Variants in BST1 observed in about 807,000 individuals in gnomAD.
The protein encoded by BST1 is ADP-ribosyl cyclase/cyclic ADP-ribose hydrolase 2.
A neutral mutation model predicts 40.6 loss-of-function variants in BST1; 49 were observed. That is an observed-to-expected ratio of 1.21 (90% CI 0.96 to 1.53). The LOEUF is 1.53. BST1 is among the 40% of genes most tolerant of loss of function. The pLI is 0.00. For synonymous variants in BST1, 157 were observed against 159.3 expected (o/e 0.99, Z 0.11); for missense variants, 423 against 395.9 (o/e 1.07, Z -0.58).
At chr4:15,761,126 C>T in the BST1 span, among the ~76,000 whole-genome samples, 49 of 152,062 alleles carry the variant, frequency 3.2e-4, 1 homozygote, top group African/African-American at 1.1e-3. Context: ...CTCACCTCAA[C>T]CCCCGCCTCC....
At chr4:15,768,733 T>C in the BST1 span, among the ~76,000 whole-genome samples, 2 of 151,464 alleles carry the variant, frequency 1.3e-5, no homozygotes, top group Admixed American at 1.3e-4. Context: ...CCTGACCTCA[T>C]GATCCACCCG....
chr4:15,760,643 C>A, the BST1 span, among the ~76,000 whole-genome samples: 1 of 151,060 alleles, frequency 6.6e-6, no homozygotes, highest in African/African-American at 2.4e-5. Flanking sequence ...TATAATTTTT[C>A]CTTATATATG....
chr4:15,728,712 G>A (rs960250458), intron 8 of BST1, among the ~76,000 whole-genome samples: 1 of 142,526 alleles, frequency 7.0e-6, no homozygotes, highest in African/African-American at 2.7e-5. Flanking sequence ...GCTTGATCTT[G>A]GCTCATCACT....
chr4:15,754,735 A>G, the BST1 span, among the ~76,000 whole-genome samples: 2 of 152,152 alleles, frequency 1.3e-5, no homozygotes, highest in Non-Finnish European at 2.9e-5. Flanking sequence ...GGTGATTTTT[A>G]TGTTATTTCT....
At chr4:15,763,511 A>G in the BST1 span, among the ~76,000 whole-genome samples, 16 of 152,088 alleles carry the variant, frequency 1.1e-4, no homozygotes, top group Admixed American at 3.3e-4. Flanking sequence ...CTGAAAAATT[A>G]TTTGTAGAGC....
intron 3 of BST1, 107 bp from the exon 4 acceptor site, chr4:15,711,699 AG>A (rs1485672928): frequency 1.1e-6 from 1 of 899,666 alleles, no homozygotes; most frequent in Non-Finnish European, 1.8e-6. Flanking sequence ...CACATTGTAC[AG>A]AATGGAAGCT....
downstream of BST1, among the ~76,000 whole-genome samples, chr4:15,742,660 A>C (rs551530423): frequency 1.3e-5 from 2 of 152,352 alleles, no homozygotes; most frequent in Admixed American, 1.3e-4. Flanking sequence ...CAGGGAGTTC[A>C]TTTGGGAGGT....
intron 8 of BST1, among the ~76,000 whole-genome samples, chr4:15,729,351 G>T (rs370764144): frequency 6.6e-6 from 1 of 152,114 alleles, no homozygotes; most frequent in East Asian, 1.9e-4. Flanking sequence ...AGCTACTCAG[G>T]AGTCTGAGGC....
downstream of BST1, among the ~76,000 whole-genome samples, chr4:15,734,178 T>C (rs947958644): frequency 6.6e-6 from 1 of 151,730 alleles, no homozygotes; most frequent in African/African-American, 2.4e-5. Flanking sequence ...ATTGTGGGGG[T>C]TGAGAATGAT....
At chr4:15,739,051 G>C (rs1246839138), downstream of BST1, among the ~76,000 whole-genome samples, 2 of 152,196 alleles carry the variant, frequency 1.3e-5, no homozygotes, top group Non-Finnish European at 2.9e-5. Context: ...TTGAAACCCA[G>C]AACTCAGCCT....
In BST1 at chr4:15,716,918, G is replaced by C. The variant is rs6853896; in HGVS notation, c.704+1119G>C. Among the ~76,000 whole-genome samples, 800 of 152,174 alleles carry C rather than the reference G, an allele frequency of 5.3e-3. 6 individuals are homozygous for C. Among genetic ancestry groups the C allele is most frequent in the African/African-American group, 0.018 (727 of 41,504 alleles). On this transcript the variant is annotated intron_variant, in intron 6 of 8. Coordinates refer to ENST00000265016, the MANE Select transcript of BST1 (RefSeq NM_004334.3). ...AACCTCCCGAGTAGCTGGGATTACA[G>C]GTGTCCGTTACCACGCCCAGCTGAT...
At chr4:15,751,000 C>T in the BST1 span, among the ~76,000 whole-genome samples, 1 of 152,080 alleles carries the variant, frequency 6.6e-6, no homozygotes, top group Non-Finnish European at 1.5e-5. Context: ...ATTTTCTATC[C>T]TCAAGTAGCT....
the BST1 span, among the ~76,000 whole-genome samples, chr4:15,756,833 C>T: frequency 2.0e-5 from 3 of 152,164 alleles, no homozygotes; most frequent in African/African-American, 4.8e-5. Flanking sequence ...TCAGGATGCA[C>T]CACCTCAAAA....
At chr4:15,708,135 A>G (rs1354105211) in intron 3 of BST1, among the ~76,000 whole-genome samples, 3 of 152,094 alleles carry the variant, frequency 2.0e-5, no homozygotes, top group Admixed American at 6.6e-5. Context: ...CAGAGGGGGA[A>G]GCTGAGGCTT....
intron 8 of BST1, among the ~76,000 whole-genome samples, chr4:15,724,724 GAA>G (rs1491095718): frequency 2.7e-4 from 40 of 150,264 alleles, no homozygotes; most frequent in Admixed American, 2.0e-3. Flanking sequence ...GAGAGAGAGA[GAA>G]AGAGAGCACA....
the BST1 span, among the ~76,000 whole-genome samples, chr4:15,758,686 T>A: frequency 6.6e-6 from 1 of 152,262 alleles, no homozygotes; most frequent in Non-Finnish European, 1.5e-5. Context: ...ACCTTGTTCA[T>A]CATCTCCCTA....
At chr4:15,747,790 C>T in the BST1 span, among the ~76,000 whole-genome samples, 2 of 152,178 alleles carry the variant, frequency 1.3e-5, no homozygotes, top group African/African-American at 4.8e-5. Context: ...CTTCCTCAGT[C>T]TCCTGAGTAG....
At chr4:15,768,535 G>C in the BST1 span, among the ~76,000 whole-genome samples, 2 of 141,420 alleles carry the variant, frequency 1.4e-5, no homozygotes, top group African/African-American at 5.4e-5. Flanking sequence ...CACCCAGGCC[G>C]GACTGCGGAC....
chr4:15,759,012 G>T, the BST1 span, among the ~76,000 whole-genome samples: 1 of 150,554 alleles, frequency 6.6e-6, no homozygotes, highest in Non-Finnish European at 1.5e-5. Flanking sequence ...TTGGAATCAG[G>T]TGGACAGGCA....
Sources: gnomAD v4.1 joint callset for allele counts (sites outside exome capture counted in the v4.1 genomes callset) on GRCh38, gnomAD v4.1.1 for gene constraint, MANE v1.5 for transcripts, NCBI Gene and HGNC (gene_info 2026-07-23, HGNC 2026-07-21) for gene names.